Variants in BICRAL observed in about 807,000 individuals in gnomAD.
The protein encoded by BICRAL is BICRA like chromatin remodeling complex associated protein.
BICRAL carries 8 observed loss-of-function variants against 91.8 expected under a neutral mutation model. The ratio of observed to expected loss-of-function variants is 0.09; its 90% CI spans 0.05 to 0.16. BICRAL has a LOEUF of 0.16. BICRAL is among the 10% of genes least tolerant of loss of function. The probability of loss-of-function intolerance (pLI) is 1.00; values close to 1 mark genes in which losing one functional copy is unlikely to be tolerated. For synonymous variants in BICRAL, 445 were observed against 491.1 expected (o/e 0.91, Z 1.24); for missense variants, 1,038 against 1,310.9 (o/e 0.79, Z 3.21).
At chr6:42,860,990 G>A (rs1562499626) in intron 11 of BICRAL, among the ~76,000 whole-genome samples, 1 of 152,176 alleles carries the variant, frequency 6.6e-6, no homozygotes, top group South Asian at 2.1e-4. Flanking sequence ...GCTAGGCGTG[G>A]TGGCGCATGC....
intron 1 of BICRAL, among the ~76,000 whole-genome samples, chr6:42,772,662 G>A (rs1209010987): frequency 2.0e-5 from 3 of 152,236 alleles, no homozygotes; most frequent in South Asian, 4.1e-4. Context: ...AAACATCCCT[G>A]GGCAGTGAGG....
At chr6:42,807,534 C>T (rs1359999195) in intron 1 of BICRAL, among the ~76,000 whole-genome samples, 1 of 151,746 alleles carries the variant, frequency 6.6e-6, no homozygotes, top group Non-Finnish European at 1.5e-5. Context: ...TCATTCATAC[C>T]TATTTCAGTA....
At chr6:42,781,646 T>G (rs112850080), upstream of BICRAL, among the ~76,000 whole-genome samples, 3 of 149,030 alleles carry the variant, frequency 2.0e-5, no homozygotes, top group South Asian at 4.2e-4. Flanking sequence ...GCAAGAGAAT[T>G]AGCACGCACC....
intron 1 of BICRAL, among the ~76,000 whole-genome samples, chr6:42,796,339 G>T (rs1763413074): frequency 6.6e-6 from 1 of 152,158 alleles, no homozygotes; most frequent in African/African-American, 2.4e-5. Flanking sequence ...GGCATTCCAG[G>T]CAGACAGCAG....
intron 2 of BICRAL, among the ~76,000 whole-genome samples, chr6:42,816,051 C>T (rs926182236): frequency 6.7e-6 from 1 of 150,250 alleles, no homozygotes; most frequent in African/African-American, 2.4e-5. Flanking sequence ...GGCTTATTCT[C>T]CAGGCCAGTA....
At chr6:42,747,642 G>A in intron 1 of BICRAL, among the ~76,000 whole-genome samples, 1 of 152,212 alleles carries the variant, frequency 6.6e-6, no homozygotes, top group Non-Finnish European at 1.5e-5. Context: ...GGGCGCGGGG[G>A]CAGGGGAGAG....
intron 1 of BICRAL, among the ~76,000 whole-genome samples, chr6:42,756,876 C>T (rs1027642901): frequency 2.0e-5 from 3 of 150,032 alleles, no homozygotes; most frequent in South Asian, 2.1e-4. Context: ...GCTTGGCTCT[C>T]GCGCGCGCGC....
intron 6 of BICRAL, among the ~76,000 whole-genome samples, chr6:42,844,494 G>A (rs1582866224): frequency 2.1e-5 from 2 of 93,310 alleles, no homozygotes; most frequent in African/African-American, 3.8e-5. Context: ...GGGCTACAGA[G>A]CAAGACTCCA....
Position 42,865,182 on chromosome 6 carries a change from A to G in BICRAL, c.2976A>G (p.Lys992=), listed in dbSNP as rs755787776. The G allele has an allele frequency of 6.2e-7, 1 of 1,614,194 alleles. No homozygotes were observed. Among genetic ancestry groups the G allele is most frequent in the Non-Finnish European group, 8.5e-7 (1 of 1,180,018 alleles). The change falls in exon 13 of 13, where the codon AAA becomes AAG. Residue 992 remains lysine, a synonymous_variant. Coordinates refer to ENST00000314073, the MANE Select transcript of BICRAL (RefSeq NM_001393499.1). Reference sequence around the variant, plus strand: ...AAGTTTTACACACAGACATCATGAAAGGGTCAGGCGAACCCCAGCCAGATC... The same window carrying G: ...AAGTTTTACACACAGACATCATGAAGGGGTCAGGCGAACCCCAGCCAGATC... ...KNEVLHTDIM[K]GSGEPQPDLQ... is the part of the protein sequence containing the mutation.
At chr6:42,848,215 G>C (rs1409462963) in intron 6 of BICRAL, among the ~76,000 whole-genome samples, 1 of 151,540 alleles carries the variant, frequency 6.6e-6, no homozygotes, top group Non-Finnish European at 1.5e-5. Flanking sequence ...TCACACCACT[G>C]CACTCCAGCC....
At chr6:42,833,749 A>G (rs969062968) in intron 6 of BICRAL, among the ~76,000 whole-genome samples, 2 of 152,042 alleles carry the variant, frequency 1.3e-5, no homozygotes, top group African/African-American at 4.8e-5. Context: ...ACCCAGGATC[A>G]CTATCTCATT....
chr6:42,825,489 C>T (rs552348234), intron 5 of BICRAL, among the ~76,000 whole-genome samples: 7 of 147,996 alleles, frequency 4.7e-5, no homozygotes, highest in Admixed American at 2.7e-4. Context: ...GGCTTGAACC[C>T]GGGAGGTGGA....
intron 5 of BICRAL, among the ~76,000 whole-genome samples, chr6:42,828,278 G>A (rs924136841): frequency 1.3e-5 from 2 of 151,934 alleles, no homozygotes; most frequent in Non-Finnish European, 2.9e-5. Flanking sequence ...GCAGGCGCCT[G>A]TAGTCCCAGC....
At chr6:42,802,428 T>TTTTTG (rs1554277647) in intron 1 of BICRAL, among the ~76,000 whole-genome samples, 1 of 103,938 alleles carries the variant, frequency 9.6e-6, no homozygotes, top group African/African-American at 2.8e-5. Flanking sequence ...CGTGTTTTTT[T>TTTTTG]TTGTTGTTGT....
At chr6:42,775,588 C>T (rs550645037) in intron 1 of BICRAL, among the ~76,000 whole-genome samples, 2 of 152,308 alleles carry the variant, frequency 1.3e-5, no homozygotes, top group South Asian at 2.1e-4. Flanking sequence ...GGCTGTCCTC[C>T]CCTCAACATA....
At chr6:42,847,739 A>G (rs908980682) in intron 6 of BICRAL, among the ~76,000 whole-genome samples, 13 of 152,296 alleles carry the variant, frequency 8.5e-5, no homozygotes, top group African/African-American at 2.9e-4. Flanking sequence ...CCTGACCAAC[A>G]TGGTGAAACC....
intron 2 of BICRAL, among the ~76,000 whole-genome samples, chr6:42,819,567 T>C (rs528337595): frequency 2.6e-5 from 4 of 152,200 alleles, no homozygotes; most frequent in Admixed American, 2.6e-4. Flanking sequence ...ATTACAGGCA[T>C]GTGCCACCAT....
intron 5 of BICRAL, among the ~76,000 whole-genome samples, chr6:42,826,794 T>G (rs965583749): frequency 1.9e-4 from 24 of 125,742 alleles, no homozygotes; most frequent in Non-Finnish European, 3.1e-4. Flanking sequence ...TGTTTGTTTG[T>G]TTTTTTTTTG....
At chr6:42,841,183 ATTTTTTT>A (rs70990150) in intron 6 of BICRAL, among the ~76,000 whole-genome samples, 13 of 80,682 alleles carry the variant, frequency 1.6e-4, no homozygotes, top group African/African-American at 2.3e-4. Context: ...ACTCTTGAAT[ATTTTTTT>A]TTTTTTTTTT....
Sources: allele counts gnomAD v4.1 joint callset (sites outside exome capture counted in the v4.1 genomes callset), GRCh38; gene constraint gnomAD v4.1.1; transcripts MANE v1.5; gene names NCBI Gene and HGNC (gene_info 2026-07-23, HGNC 2026-07-21).